The following ABCG1 variants were observed in gnomAD, a reference collection of about 807,000 sequenced individuals.
The protein encoded by ABCG1 is ATP binding cassette subfamily G member 1, also known as ATP-binding cassette sub-family G member 1.
A neutral mutation model predicts 69.2 loss-of-function variants in ABCG1; 29 were observed. The ratio of observed to expected loss-of-function variants is 0.42; its 90% CI spans 0.31 to 0.57. ABCG1 has a LOEUF of 0.57. Among genes scored for constraint, ABCG1 ranks in the 20% least tolerant of loss-of-function variants. The pLI, the probability that ABCG1 is intolerant of heterozygous loss-of-function variation, is 0.15. For missense variants in ABCG1, 718 were observed against 898.1 expected (o/e 0.80, Z 2.56); for synonymous variants, 370 against 374.8 (o/e 0.99, Z 0.15).
upstream of ABCG1, among the ~76,000 whole-genome samples, chr21:42,215,411 A>G (rs561294894): frequency 6.6e-6 from 1 of 152,348 alleles, no homozygotes; most frequent in Non-Finnish European, 1.5e-5. Flanking sequence ...ATGGGACACC[A>G]TAGGGAAGGC....
chr21:42,265,655 G>A (rs192228873), intron 2 of ABCG1, among the ~76,000 whole-genome samples: 340 of 152,314 alleles, frequency 2.2e-3, no homozygotes, highest in Admixed American at 4.7e-3. Flanking sequence ...GGCTGTGAGA[G>A]GATGAGCCCT....
At chr21:42,283,849 G>A (rs1313298997) in intron 6 of ABCG1, among the ~76,000 whole-genome samples, 2 of 36,572 alleles carry the variant, frequency 5.5e-5, no homozygotes, top group Non-Finnish European at 5.5e-5. Flanking sequence ...CCCCCGCCCA[G>A]ATGAGTGGGG....
At chr21:42,284,360 A>C (rs2068895697) in intron 6 of ABCG1, among the ~76,000 whole-genome samples, 200 bp from the exon 7 acceptor site, 1 of 152,026 alleles carries the variant, frequency 6.6e-6, no homozygotes, top group African/African-American at 2.4e-5. Flanking sequence ...AAAATGCAAC[A>C]TGCAAAGCCC....
chr21:42,239,614 G>C (rs2068022300), intron 2 of ABCG1, among the ~76,000 whole-genome samples: 1 of 152,222 alleles, frequency 6.6e-6, no homozygotes, highest in Non-Finnish European at 1.5e-5. Context: ...GTAGGGGCCT[G>C]GTCCGGGGTC....
At chr21:42,285,729 G>A in intron 7 of ABCG1, 151 bp from the exon 8 acceptor site, 1 of 656,704 alleles carries the variant, frequency 1.5e-6, no homozygotes, top group South Asian at 1.8e-5. Context: ...GGGCCCTTGG[G>A]GGTGATGTAA....
At chr21:42,212,534 G>T (rs1451334319), upstream of ABCG1, among the ~76,000 whole-genome samples, 1 of 152,156 alleles carries the variant, frequency 6.6e-6, no homozygotes. Context: ...GAGGGCAGAG[G>T]ACTTGGCTGA....
chr21:42,266,254 T>C (rs1348622111), intron 2 of ABCG1, among the ~76,000 whole-genome samples: 3 of 152,010 alleles, frequency 2.0e-5, no homozygotes, highest in Non-Finnish European at 4.4e-5. Context: ...TGAGCCGAGA[T>C]TGCGCCACTG....
At chr21:42,222,587 C>T (rs987501341) in intron 1 of ABCG1, among the ~76,000 whole-genome samples, 10 of 152,156 alleles carry the variant, frequency 6.6e-5, no homozygotes, top group South Asian at 4.1e-4. Context: ...AGCCTGGCCA[C>T]GCCCTAATCA....
At chr21:42,232,595 G>C (rs768060726) in intron 2 of ABCG1, among the ~76,000 whole-genome samples, 11 of 152,178 alleles carry the variant, frequency 7.2e-5, no homozygotes, top group Non-Finnish European at 5.9e-5. Context: ...GCTCTGCTCC[G>C]TGGGGGTTGG....
chr21:42,219,260 G>C lies in ABCG1; in HGVS notation c.-3G>C. ...CCGCCGCCGCCGCCGCCGCCCCCGG[G>C]GCATGGCCTGTCTGATGGCCGCTTT... On this transcript the variant is annotated 5_prime_UTR_variant, in exon 1 of 15. Transcript: ENST00000398449. The surrounding 1 kb of genome is among the most constrained non-coding windows in gnomAD (Gnocchi z 5.3). 1 of 1,571,104 alleles carries C rather than the reference G, an allele frequency of 6.4e-7. No individual in the cohort carries two copies. Among genetic ancestry groups the C allele is most frequent in the Non-Finnish European group, 8.6e-7 (1 of 1,165,802 alleles).
chr21:42,270,594 T>C (rs753593838), intron 2 of ABCG1, among the ~76,000 whole-genome samples: 1 of 152,204 alleles, frequency 6.6e-6, no homozygotes, highest in Non-Finnish European at 1.5e-5. Context: ...ATATAAAGCA[T>C]AAATAAATAA....
At position 42,225,689 on chromosome 21, in the gene ABCG1, G is replaced by A; in HGVS notation, c.61G>A (p.Ala21Thr). The change falls in exon 2 of 15, where the codon GCA becomes ACA. Residue 21 changes from alanine (A) to threonine (T), a missense_variant. Ala to Thr is a moderately conservative substitution (Grantham distance 58). Around this residue, in one of 2 missense-constraint regions of ABCG1, gnomAD observed 514 missense variants for 574.3 expected, o/e 0.90. Coordinates refer to ENST00000398449, the MANE Select transcript of ABCG1 (RefSeq NM_016818.3). Reference sequence around the variant, plus strand: ...TTTCTAGAATGCCAGCAGTTACTCTGCAGAGATGACGGAGCCCAAGTCGGT... The same window carrying A: ...TTTCTAGAATGCCAGCAGTTACTCTACAGAGATGACGGAGCCCAAGTCGGT... ...GTAMNASSYS[A>T]EMTEPKSVCV... 2 of 1,612,948 alleles carry A rather than the reference G, an allele frequency of 1.2e-6. No individual in the cohort carries two copies. The highest frequency in any genetic ancestry group is 1.1e-5 in the South Asian group (1 of 91,056).
At chr21:42,217,652 G>A (rs2067655307), upstream of ABCG1, among the ~76,000 whole-genome samples, 1 of 139,380 alleles carries the variant, frequency 7.2e-6, no homozygotes. Context: ...TTTCAGCCAA[G>A]TGTAAAATCA....
chr21:42,219,208 G>A lies in ABCG1; in HGVS notation c.-55G>A. 6.2e-6 allele frequency: 9 copies of A among 1,459,012 alleles called. No individual in the cohort carries two copies. The highest frequency in any genetic ancestry group is 8.1e-6 in the Non-Finnish European group (9 of 1,106,098). 90.4% of individuals were successfully genotyped at this position (1,459,012 alleles called of 1,614,324 possible). A position where few individuals can be genotyped will look rare whatever the true frequency, so the allele number is the denominator to read the frequency against. Reference sequence around the variant, plus strand: ...GAGCCAGCGCAGCCTCGGCCCCGCAGCTCAAGCCTCGTCCCCGCCGCCGCC... The same window carrying A: ...GAGCCAGCGCAGCCTCGGCCCCGCAACTCAAGCCTCGTCCCCGCCGCCGCC... On this transcript the variant is annotated 5_prime_UTR_variant, in exon 1 of 15. Transcript: ENST00000398449. The surrounding 1 kb of genome is among the most constrained non-coding windows in gnomAD (Gnocchi z 5.3).
intron 2 of ABCG1, among the ~76,000 whole-genome samples, chr21:42,248,153 C>CT (rs2068160998): frequency 6.6e-6 from 1 of 152,190 alleles, no homozygotes; most frequent in African/African-American, 2.4e-5. Context: ...TTTCTTTCTG[C>CT]TTATTTGTTA....
chr21:42,286,897 G>A (rs1442172718), intron 8 of ABCG1, among the ~76,000 whole-genome samples: 1 of 152,216 alleles, frequency 6.6e-6, no homozygotes, highest in Non-Finnish European at 1.5e-5. Context: ...GTGACCAGAG[G>A]GGCCTGGAAA....
rs78678882 is a variant in ABCG1, at chr21:42,244,542, T to C, written c.286+18628T>C. On this transcript the variant is annotated intron_variant, in intron 2 of 14. Transcript: ENST00000398449. ...CTAAAGTCTAATTTACAGTCTTGTC[T>C]TACTTTGCAATTCCCACTCTTTTTT... 4.8e-3 allele frequency among the ~76,000 whole-genome samples: 727 copies of C among 152,390 alleles called. 5 individuals carry two copies. The highest frequency in any genetic ancestry group is 0.016 in the African/African-American group (676 of 41,592).
chr21:42,250,513 C>G (rs1380720045), intron 2 of ABCG1, among the ~76,000 whole-genome samples: 2 of 152,212 alleles, frequency 1.3e-5, no homozygotes, highest in Non-Finnish European at 2.9e-5. Context: ...TCCAGCTAGC[C>G]TGTTGGAAGA....
Position 42,266,756 on chromosome 21 carries a change from G to A in ABCG1, c.287-4314G>A, listed in dbSNP as rs151215830. 6.7e-3 allele frequency among the ~76,000 whole-genome samples: 1,017 copies of A among 152,306 alleles called. 14 individuals carry two copies. Among genetic ancestry groups the A allele is most frequent in the African/African-American group, 0.023 (955 of 41,548 alleles). On this transcript the variant is annotated intron_variant, in intron 2 of 14. Coordinates refer to ENST00000398449, the MANE Select transcript of ABCG1 (RefSeq NM_016818.3). ...ATAGAGCATTTGCTTCCTTTCTAGG[G>A]TAATTAAGACTACACTAGAAACCAT...
Sources: allele counts gnomAD v4.1 joint callset (sites outside exome capture counted in the v4.1 genomes callset), GRCh38; gene constraint gnomAD v4.1.1; regional missense constraint gnomAD v4.1.1; non-coding constraint Gnocchi (gnomAD v3.1); transcripts MANE v1.5; gene names NCBI Gene and HGNC (gene_info 2026-07-23, HGNC 2026-07-21).